ROBO2: variants seen among roughly 807,000 people sequenced by gnomAD.
The protein encoded by ROBO2 is roundabout guidance receptor 2.
In ROBO2, 53 loss-of-function variants were observed where a neutral mutation model predicts 160.8. The ratio of observed to expected loss-of-function variants is 0.33; its 90% CI spans 0.26 to 0.41. The LOEUF (loss-of-function observed/expected upper bound fraction) is 0.41. Among genes scored for constraint, ROBO2 ranks in the 10% least tolerant of loss-of-function variants. The pLI, the probability that ROBO2 is intolerant of heterozygous loss-of-function variation, is 1.00. For synonymous variants in ROBO2, 664 were observed against 611.7 expected (o/e 1.09, Z -1.26); for missense variants, 1,577 against 1,722.4 (o/e 0.92, Z 1.49).
intron 2 of ROBO2, among the ~76,000 whole-genome samples, chr3:76,873,011 G>A (rs982263353): frequency 1.3e-5 from 2 of 151,988 alleles, no homozygotes; most frequent in African/African-American, 2.4e-5. Flanking sequence ...TGATATATTG[G>A]TATTTTAAAT....
At chr3:77,277,163 T>TC (rs1368643404) in intron 2 of ROBO2, among the ~76,000 whole-genome samples, 28 of 83,658 alleles carry the variant, frequency 3.3e-4, no homozygotes, top group African/African-American at 1.4e-3. Flanking sequence ...TTTCCTTCTT[T>TC]CTTTCTTTCT....
At chr3:76,619,895 A>C (rs1218534481) in intron 2 of ROBO2, among the ~76,000 whole-genome samples, 1 of 152,204 alleles carries the variant, frequency 6.6e-6, no homozygotes, top group East Asian at 1.9e-4. Context: ...GGAAGCACCC[A>C]AGGAATTTTA....
chr3:76,761,491 C>A (rs1172507679), intron 2 of ROBO2, among the ~76,000 whole-genome samples: 1 of 151,666 alleles, frequency 6.6e-6, no homozygotes. Flanking sequence ...GATTCTTTAC[C>A]ATATGGCATA....
Position 76,524,857 on chromosome 3 carries a change from A to T in ROBO2, c.110-573157A>T, listed in dbSNP as rs1373592283. 2.9e-4 allele frequency among the ~76,000 whole-genome samples: 39 copies of T among 133,326 alleles called. 1 individual carries two copies. The highest frequency in any genetic ancestry group is 7.3e-4 in the East Asian group (3 of 4,104). 87.5% of individuals were successfully genotyped at this position (133,326 alleles called of 152,430 possible). ...AAAAAAAAAAAAAAAAAAAAAAAAA[A>T]AAAAAAAAATAAGTAAAATCAGATA... On this transcript the variant is annotated intron_variant, in intron 2 of 26. Transcript: ENST00000487694.
intron 21 of ROBO2, among the ~76,000 whole-genome samples, chr3:77,611,758 A>G (rs1263479708): frequency 6.6e-6 from 1 of 152,220 alleles, no homozygotes; most frequent in Non-Finnish European, 1.5e-5. Context: ...CAAAGAAGAA[A>G]AGTATTTGTT....
At chr3:77,329,642 T>C (rs1465781483) in intron 2 of ROBO2, among the ~76,000 whole-genome samples, 1 of 152,216 alleles carries the variant, frequency 6.6e-6, no homozygotes, top group Non-Finnish European at 1.5e-5. Flanking sequence ...TTAATTCTCC[T>C]TAATTCTGAT....
At chr3:77,579,105 A>G (rs1361522106) in intron 15 of ROBO2, among the ~76,000 whole-genome samples, 2 of 152,098 alleles carry the variant, frequency 1.3e-5, no homozygotes, top group Non-Finnish European at 2.9e-5. Flanking sequence ...ATGTTTTCCT[A>G]CATATGTGTC....
Position 76,565,969 on chromosome 3 carries a change from G to C in ROBO2, c.110-532045G>C, listed in dbSNP as rs750585555. On this transcript the variant is annotated intron_variant, in intron 2 of 26. Transcript: ENST00000487694. ...CATCGTAGCCAACGGGTATTGCCTG[G>C]TACTCTGCCATTACCAGCTGGCACT... Among the ~76,000 whole-genome samples the C allele has an allele frequency of 2.0e-4, 30 of 152,226 alleles. No homozygotes were observed. In the South Asian group the frequency reaches 2.1e-3, roughly 11 times the overall value.
intron 2 of ROBO2, among the ~76,000 whole-genome samples, chr3:77,466,223 A>G (rs906492806): frequency 1.3e-5 from 2 of 152,178 alleles, no homozygotes; most frequent in Non-Finnish European, 2.9e-5. Context: ...CTTGAAGAAT[A>G]TAGGATGTCA....
Position 76,049,383 on chromosome 3 carries a change from G to GTGTGTGTATATATATATATATATATA in ROBO2, c.109+111782_109+111783insGTGTGTATATATATATATATATATAT, listed in dbSNP as rs1440395230. Among the ~76,000 whole-genome samples, 15 of 36,822 alleles carry GTGTGTGTATATATATATATATATATA rather than the reference G, an allele frequency of 4.1e-4. 1 individual carries two copies. The highest frequency in any genetic ancestry group is 1.5e-3 in the African/African-American group (13 of 8,876). The allele number at this position is 36,822 out of a possible 152,430, so 24.2% of individuals were successfully genotyped here. A position where few individuals can be genotyped will look rare whatever the true frequency, so the allele number is the denominator to read the frequency against. Reference sequence around the variant, plus strand: ...ATGCCACCACCCCTGGCTAATTTTAGTATATATATATATATATATATTTTT... The same window carrying GTGTGTGTATATATATATATATATATA: ...ATGCCACCACCCCTGGCTAATTTTAGTGTGTGTATATATATATATATATATATATATATATATATATATATATTTTT... On this transcript the variant is annotated intron_variant, in intron 2 of 26. Transcript: ENST00000487694.
chr3:77,414,904 T>C (rs1278253370), intron 2 of ROBO2, among the ~76,000 whole-genome samples: 1 of 152,182 alleles, frequency 6.6e-6, no homozygotes, highest in Non-Finnish European at 1.5e-5. Context: ...AATAGAGAAT[T>C]CCTTTTCCAG....
At chr3:76,456,839 A>T (rs181992671) in intron 2 of ROBO2, among the ~76,000 whole-genome samples, 122 of 152,306 alleles carry the variant, frequency 8.0e-4, no homozygotes, top group South Asian at 1.0e-3. Context: ...CACTTCTTAC[A>T]TGGTGGCAGC....
At chr3:76,875,478 C>A (rs1383559820) in intron 2 of ROBO2, among the ~76,000 whole-genome samples, 1 of 152,062 alleles carries the variant, frequency 6.6e-6, no homozygotes, top group Non-Finnish European at 1.5e-5. Context: ...TCAGAAGTGC[C>A]AAATGGGCTT....
At chr3:77,332,168 T>C (rs1013440667) in intron 2 of ROBO2, among the ~76,000 whole-genome samples, 4 of 152,240 alleles carry the variant, frequency 2.6e-5, no homozygotes, top group African/African-American at 9.7e-5. Flanking sequence ...ACTATATTAA[T>C]ATACGTAATG....
intron 2 of ROBO2, among the ~76,000 whole-genome samples, chr3:76,740,664 T>G (rs892839457): frequency 1.3e-5 from 2 of 152,124 alleles, no homozygotes; most frequent in Non-Finnish European, 2.9e-5. Context: ...ATTTCTAGGT[T>G]AACTTTTATA....
At chr3:76,278,473 C>T (rs1178196265) in intron 2 of ROBO2, among the ~76,000 whole-genome samples, 2 of 151,860 alleles carry the variant, frequency 1.3e-5, no homozygotes. Flanking sequence ...TATATTTGCT[C>T]CCTAATAAAT....
At chr3:77,243,387 A>G (rs1056298503) in intron 2 of ROBO2, among the ~76,000 whole-genome samples, 1 of 152,228 alleles carries the variant, frequency 6.6e-6, no homozygotes, top group Non-Finnish European at 1.5e-5. Flanking sequence ...TATTTTTCTT[A>G]GAACGTGAGA....
Position 76,203,546 on chromosome 3 carries a change from A to T in ROBO2, c.109+265944A>T, listed in dbSNP as rs145874169. 9.9e-3 allele frequency among the ~76,000 whole-genome samples: 268 copies of T among 27,120 alleles called. 1 individual carries two copies. The highest frequency in any genetic ancestry group is 0.029 in the African/African-American group (248 of 8,484). 17.8% of individuals were successfully genotyped at this position (27,120 alleles called of 152,430 possible). A position where few individuals can be genotyped will look rare whatever the true frequency, so the allele number is the denominator to read the frequency against. On this transcript the variant is annotated intron_variant, in intron 2 of 26. Coordinates refer to the ROBO2 transcript ENST00000487694. Reference sequence around the variant, plus strand: ...GCCTCAGGCTATCGGCTTCCCCCATAATTTCTTCTCCTTTCTCACCTTGAG... The same window carrying T: ...GCCTCAGGCTATCGGCTTCCCCCATTATTTCTTCTCCTTTCTCACCTTGAG...
intron 2 of ROBO2, among the ~76,000 whole-genome samples, chr3:76,472,843 G>A (rs1394809974): frequency 6.6e-6 from 1 of 152,180 alleles, no homozygotes; most frequent in African/African-American, 2.4e-5. Flanking sequence ...ATAAATCAGG[G>A]AGATGTTGAT....
Sources: allele counts gnomAD v4.1 joint callset (sites outside exome capture counted in the v4.1 genomes callset), GRCh38; gene constraint gnomAD v4.1.1; transcripts MANE v1.5; gene names NCBI Gene and HGNC (gene_info 2026-07-23, HGNC 2026-07-21).